Variants in PSMA1 observed in about 807,000 individuals in gnomAD.
PSMA1 encodes proteasome subunit alpha type-1.
A neutral mutation model predicts 38.4 loss-of-function variants in PSMA1; 3 were observed. The observed-to-expected ratio is 0.08, with a 90% CI of 0.04 to 0.20. The LOEUF is 0.20. PSMA1 is among the 10% of genes least tolerant of loss of function. The pLI, the probability that PSMA1 is intolerant of heterozygous loss-of-function variation, is 1.00. For missense variants in PSMA1, 227 were observed against 325.3 expected, an observed-to-expected ratio of 0.70 and a Z score of 2.32; for synonymous variants, 101 against 107.1, an observed-to-expected ratio of 0.94 and a Z score of 0.35.
chr11:14,611,089 C>T (rs1852703258), exon 2 of PSMA1: 8 of 1,151,198 alleles, frequency 6.9e-6, no homozygotes, highest in African/African-American at 1.5e-5. Context: ...AGGCCTTTAC[C>T]ACTCTGCTAC....
chr11:14,578,919 T>G (rs1399154456), intron 2 of PSMA1, among the ~76,000 whole-genome samples: 2 of 152,226 alleles, frequency 1.3e-5, no homozygotes, highest in African/African-American at 2.4e-5. Flanking sequence ...GAGCCTGGTT[T>G]TTGCCAGTTG....
intron 8 of PSMA1, among the ~76,000 whole-genome samples, chr11:14,510,588 A>AAT (rs1188462757): frequency 2.0e-5 from 3 of 152,088 alleles, no homozygotes; most frequent in Admixed American, 6.5e-5. Flanking sequence ...GTAGGTGCTC[A>AAT]ATATATATAT....
chr11:14,509,498 T>G (rs1394966510), intron 8 of PSMA1, among the ~76,000 whole-genome samples: 1 of 151,948 alleles, frequency 6.6e-6, no homozygotes, highest in Admixed American at 6.6e-5. Flanking sequence ...CAATCTGTTT[T>G]TTTTTTTTTT....
chr11:14,579,948 T>A (rs958181471), intron 2 of PSMA1, among the ~76,000 whole-genome samples: 1 of 151,758 alleles, frequency 6.6e-6, no homozygotes, highest in Non-Finnish European at 1.5e-5. Context: ...GGTACACTGA[T>A]TGTGTGCTGA....
intron 2 of PSMA1, among the ~76,000 whole-genome samples, chr11:14,536,095 A>C (rs1285968011): frequency 6.6e-6 from 1 of 152,220 alleles, no homozygotes. Context: ...TAATAGTGAA[A>C]AGCACAGGTT....
At chr11:14,628,157 G>A (rs577850446) in intron 1 of PSMA1, among the ~76,000 whole-genome samples, 1 of 152,234 alleles carries the variant, frequency 6.6e-6, no homozygotes, top group African/African-American at 2.4e-5. Flanking sequence ...GATCTGAGAT[G>A]GAATAGTTTT....
chr11:14,508,776 T>G (rs1565031184), intron 8 of PSMA1, among the ~76,000 whole-genome samples: 1 of 152,152 alleles, frequency 6.6e-6, no homozygotes, highest in Non-Finnish European at 1.5e-5. Flanking sequence ...TTTGCCTTAT[T>G]ATTCCATTAA....
chr11:14,596,956 G>T (rs996729590), intron 2 of PSMA1, among the ~76,000 whole-genome samples: 1 of 152,128 alleles, frequency 6.6e-6, no homozygotes, highest in Non-Finnish European at 1.5e-5. Context: ...TAGCATGAAG[G>T]GCTGTTGAAT....
rs1014317059 is a variant in PSMA1 at position 14,513,966 on chromosome 11, G to A, written c.344-79C>T. The A allele has an allele frequency of 4.9e-6, 7 of 1,441,670 alleles. No homozygotes were observed. The Admixed American group carries it at 1.2e-4, about 25-fold the overall frequency. 89.3% of individuals were successfully genotyped at this position (1,441,670 alleles called of 1,614,324 possible). ...TTCAAATTATACATTATTAACAAAG[G>A]TCTCTGGCTTATTCTTTAATTGTTG... On this transcript the variant is annotated intron_variant, in intron 5 of 9. Transcript: ENST00000396394.
intron 2 of PSMA1, among the ~76,000 whole-genome samples, chr11:14,526,770 A>G (rs765733374): frequency 2.6e-5 from 4 of 151,856 alleles, no homozygotes; most frequent in African/African-American, 9.7e-5. Flanking sequence ...CCATTTTCCC[A>G]TGTTTCCTTC....
rs369079388 is a variant in PSMA1, at chr11:14,590,444, T to C, written c.21+20522A>G. Among the ~76,000 whole-genome samples the C allele has an allele frequency of 8.5e-5, 13 of 152,140 alleles. No homozygotes were observed. In the South Asian group the frequency reaches 1.7e-3, roughly 19 times the overall value. ...ACAAAACAAGGTGAGAATGGTCTCATGAAAACCAAAAAAACAGAGTGTTTC... is the reference window on the plus strand; with the variant it reads ...ACAAAACAAGGTGAGAATGGTCTCACGAAAACCAAAAAAACAGAGTGTTTC... On this transcript the variant is annotated intron_variant, in intron 2 of 10. Coordinates refer to the PSMA1 transcript ENST00000418988.
chr11:14,633,999 G>A (rs956940215), intron 1 of PSMA1, among the ~76,000 whole-genome samples: 4 of 152,076 alleles, frequency 2.6e-5, no homozygotes, highest in Admixed American at 6.6e-5. Flanking sequence ...GCTTCGGCTC[G>A]TGCACGGTGT....
intron 2 of PSMA1, among the ~76,000 whole-genome samples, chr11:14,598,305 T>C (rs1159045146): frequency 6.6e-6 from 1 of 152,206 alleles, no homozygotes; most frequent in African/African-American, 2.4e-5. Flanking sequence ...GATATGCTTG[T>C]TAACTTTCTG....
intron 2 of PSMA1, among the ~76,000 whole-genome samples, chr11:14,567,462 T>C (rs1852085235): frequency 6.6e-6 from 1 of 152,244 alleles, no homozygotes; most frequent in Non-Finnish European, 1.5e-5. Context: ...CAAGGCATTT[T>C]ACATGCCTTC....
intron 1 of PSMA1, among the ~76,000 whole-genome samples, chr11:14,631,070 G>C (rs911774880): frequency 6.6e-6 from 1 of 151,468 alleles, no homozygotes; most frequent in Non-Finnish European, 1.5e-5. Flanking sequence ...TTCTTTATTA[G>C]TCTTGCTAGC....
At chr11:14,532,805 T>C (rs547302643) in intron 2 of PSMA1, among the ~76,000 whole-genome samples, 83 of 150,894 alleles carry the variant, frequency 5.5e-4, no homozygotes, top group Non-Finnish European at 1.0e-3. Flanking sequence ...GGCATAAGAA[T>C]TGCTTGAACC....
In PSMA1 at chr11:14,582,564, C is replaced by T. The variant is rs188154372; in HGVS notation, c.21+28402G>A. On this transcript the variant is annotated intron_variant, in intron 2 of 10. Transcript: ENST00000418988. The stretch of plus-strand genomic sequence containing the variant: ...GATGGAGTCTCACTCTATCACCACG[C>T]TGGAGTATAGTGGCGCCATCTTGGC... 6.3e-3 allele frequency among the ~76,000 whole-genome samples: 965 copies of T among 152,298 alleles called. 1 individual carries two copies. The highest frequency in any genetic ancestry group is 0.011 in the Non-Finnish European group (768 of 68,032).
rs1253937289 is a variant in PSMA1 at position 14,543,916 on chromosome 11, T to C, written c.22-24875A>G. ...ACAGTTCACTCATTTAAAGTGTTCT[T>C]ATGCCAAAAGTTTTCGGCATATTCA... On this transcript the variant is annotated intron_variant, in intron 2 of 10. Coordinates refer to the PSMA1 transcript ENST00000418988. 2.6e-5 allele frequency among the ~76,000 whole-genome samples: 4 copies of C among 152,358 alleles called. No homozygotes were observed. The East Asian group carries it at 7.7e-4, about 29-fold the overall frequency.
At chr11:14,559,109 G>A (rs968059824) in intron 2 of PSMA1, among the ~76,000 whole-genome samples, 2 of 152,186 alleles carry the variant, frequency 1.3e-5, no homozygotes, top group Non-Finnish European at 2.9e-5. Flanking sequence ...CTTAAGAGAT[G>A]ACTCAGAGTT....
Sources: gnomAD v4.1 joint callset for allele counts (sites outside exome capture counted in the v4.1 genomes callset) on GRCh38, gnomAD v4.1.1 for gene constraint, MANE v1.5 for transcripts, NCBI Gene and HGNC (gene_info 2026-07-23, HGNC 2026-07-21) for gene names.